The following VWC2L variants were observed in gnomAD, a reference collection of about 807,000 sequenced individuals.
VWC2L encodes the protein von Willebrand factor C domain-containing protein 2-like.
Under a neutral mutation model 21.6 loss-of-function variants are expected in VWC2L, and 10 were observed. The observed-to-expected ratio is 0.46, with a 90% confidence interval of 0.29 to 0.78. The LOEUF (loss-of-function observed/expected upper bound fraction) is 0.78, where lower values mean the gene tolerates loss of function less well. Among genes scored for constraint, VWC2L ranks in the 30% least tolerant of loss-of-function variants. The pLI is 0.10. For missense variants in VWC2L, 209 were observed against 277.1 expected (o/e 0.75, Z 1.74); for synonymous variants, 96 against 94.3 (o/e 1.02, Z -0.10).
rs150500699 is a variant in VWC2L, at chr2:214,564,219, A to G, written c.521-11453A>G. On this transcript the variant is annotated intron_variant, in intron 3 of 3. Coordinates refer to ENST00000312504, the MANE Select transcript of VWC2L (RefSeq NM_001080500.4). Reference sequence around the variant, plus strand: ...CCATGCCCATGGATAGGAAGAATCAATATTGTGAAAATGGCCATACTACCT... The same window carrying G: ...CCATGCCCATGGATAGGAAGAATCAGTATTGTGAAAATGGCCATACTACCT... Among the ~76,000 whole-genome samples the G allele has an allele frequency of 8.3e-3, 1,262 of 152,342 alleles. 14 individuals are homozygous for G. Among genetic ancestry groups the G allele is most frequent in the Non-Finnish European group, 0.014 (943 of 68,024 alleles).
At chr2:214,504,714 T>A (rs1051142523) in intron 3 of VWC2L, among the ~76,000 whole-genome samples, 9 of 152,294 alleles carry the variant, frequency 5.9e-5, no homozygotes, top group Admixed American at 3.3e-4. Context: ...CTGGGAAGCA[T>A]AATCCAGTGC....
chr2:214,571,627 T>C lies in VWC2L; in HGVS notation c.521-4045T>C, dbSNP rs1463382832. Among the ~76,000 whole-genome samples, 4 of 152,248 alleles carry C rather than the reference T, an allele frequency of 2.6e-5. No individual in the cohort carries two copies. In the South Asian group the frequency reaches 8.3e-4, roughly 31 times the overall value. The stretch of plus-strand genomic sequence containing the variant: ...TCCTAATATTTGTCAGACACAGTAG[T>C]AGACCTGGACCATAAGAAATAACAA... On this transcript the variant is annotated intron_variant, in intron 3 of 3. Transcript: ENST00000312504.
At chr2:214,573,236 T>TACACATACACACACAC (rs1559335528) in intron 3 of VWC2L, among the ~76,000 whole-genome samples, 1 of 151,830 alleles carries the variant, frequency 6.6e-6, no homozygotes. Flanking sequence ...TCTCTACACA[T>TACACATACACACACAC]ACACATACAC....
intron 3 of VWC2L, among the ~76,000 whole-genome samples, chr2:214,528,597 T>A (rs1689380298): frequency 6.6e-6 from 1 of 152,184 alleles, no homozygotes; most frequent in South Asian, 2.1e-4. Flanking sequence ...CATCTCTTTT[T>A]TTTTTATAGT....
chr2:214,456,592 T>C (rs1406323816), intron 3 of VWC2L, among the ~76,000 whole-genome samples: 2 of 152,156 alleles, frequency 1.3e-5, no homozygotes, highest in Non-Finnish European at 2.9e-5. Flanking sequence ...TATAGTCCCA[T>C]GTGTCTATTT....
At chr2:214,463,893 A>G (rs1703178882) in intron 3 of VWC2L, among the ~76,000 whole-genome samples, 2 of 151,976 alleles carry the variant, frequency 1.3e-5, no homozygotes, top group Admixed American at 1.3e-4. Flanking sequence ...TCTTGTCTCA[A>G]GCTCACTACT....
At chr2:214,549,983 T>G (rs1441186245) in intron 3 of VWC2L, among the ~76,000 whole-genome samples, 3 of 152,094 alleles carry the variant, frequency 2.0e-5, no homozygotes, top group Non-Finnish European at 4.4e-5. Flanking sequence ...AGATTTTACC[T>G]TCCAGCATCT....
intron 3 of VWC2L, among the ~76,000 whole-genome samples, chr2:214,447,635 T>C (rs1173195677): frequency 6.6e-6 from 1 of 152,138 alleles, no homozygotes; most frequent in East Asian, 1.9e-4. Flanking sequence ...TGGTGTGTTC[T>C]TCATCCTTAA....
At chr2:214,515,838 C>A (rs114972616) in intron 3 of VWC2L, among the ~76,000 whole-genome samples, 35 of 152,138 alleles carry the variant, frequency 2.3e-4, no homozygotes, top group Admixed American at 2.0e-4. Context: ...TACAGGCCAG[C>A]GTGTACAGGG....
intron 3 of VWC2L, among the ~76,000 whole-genome samples, chr2:214,496,313 G>C (rs1427931162): frequency 7.6e-6 from 1 of 131,492 alleles, no homozygotes; most frequent in East Asian, 2.2e-4. Context: ...GAGTATATTT[G>C]AAAAGAAAGA....
At chr2:214,428,159 T>C (rs1702552694) in intron 2 of VWC2L, among the ~76,000 whole-genome samples, 2 of 152,284 alleles carry the variant, frequency 1.3e-5, no homozygotes, top group South Asian at 4.1e-4. Flanking sequence ...ATGGCAATCA[T>C]AGTCATGTAA....
At chr2:214,524,747 C>A (rs932496063) in intron 3 of VWC2L, among the ~76,000 whole-genome samples, 6 of 152,032 alleles carry the variant, frequency 3.9e-5, no homozygotes, top group African/African-American at 1.5e-4. Context: ...TCACTAATGC[C>A]CTCGTCTCTT....
chr2:214,443,383 C>CA (rs979992648), intron 3 of VWC2L, among the ~76,000 whole-genome samples: 11 of 149,870 alleles, frequency 7.3e-5, no homozygotes, highest in East Asian at 3.9e-4. Flanking sequence ...AAAACAAAAA[C>CA]AAAAAAACAA....
chr2:214,438,027 G>A (rs1299574771), intron 3 of VWC2L, among the ~76,000 whole-genome samples: 1 of 151,742 alleles, frequency 6.6e-6, no homozygotes, highest in Admixed American at 6.6e-5. Flanking sequence ...TCACTTAGCA[G>A]AAAGAAATAA....
chr2:214,498,171 C>T (rs1014361624), intron 3 of VWC2L, among the ~76,000 whole-genome samples: 2 of 152,138 alleles, frequency 1.3e-5, no homozygotes, highest in African/African-American at 4.8e-5. Context: ...TCACTCCACC[C>T]ACCTTTGCAT....
intron 2 of VWC2L, among the ~76,000 whole-genome samples, chr2:214,424,378 T>A (rs112098409): frequency 6.6e-6 from 1 of 152,264 alleles, no homozygotes; most frequent in Non-Finnish European, 1.5e-5. Flanking sequence ...AAAGTTAGGT[T>A]TGTTTGAGAG....
intron 3 of VWC2L, among the ~76,000 whole-genome samples, chr2:214,468,457 C>T (rs1431350514): frequency 6.6e-6 from 1 of 152,146 alleles, no homozygotes; most frequent in Non-Finnish European, 1.5e-5. Flanking sequence ...TTGTGCTTTC[C>T]ATAGCAATAT....
chr2:214,542,024 G>A (rs1268311269), intron 3 of VWC2L, among the ~76,000 whole-genome samples: 3 of 151,978 alleles, frequency 2.0e-5, no homozygotes, highest in Non-Finnish European at 4.4e-5. Flanking sequence ...TTGATCACGT[G>A]GATGAGGTCA....
At chr2:214,470,740 C>G (rs1358630290) in intron 3 of VWC2L, among the ~76,000 whole-genome samples, 1 of 151,474 alleles carries the variant, frequency 6.6e-6, no homozygotes, top group Non-Finnish European at 1.5e-5. Flanking sequence ...GAAACCCCAT[C>G]TCTACTAAAA....
Sources: gnomAD v4.1 joint callset for allele counts (sites outside exome capture counted in the v4.1 genomes callset) on GRCh38, gnomAD v4.1.1 for gene constraint, MANE v1.5 for transcripts, NCBI Gene and HGNC (gene_info 2026-07-23, HGNC 2026-07-21) for gene names.